Variants in JPH3 observed in about 807,000 individuals in gnomAD.
JPH3 encodes the protein junctophilin-3.
JPH3 carries 11 observed loss-of-function variants against 59.6 expected under a neutral mutation model. The observed-to-expected ratio is 0.18, with a 90% confidence interval of 0.12 to 0.31. The LOEUF is 0.31. JPH3 is among the 10% of genes least tolerant of loss of function. JPH3 has a pLI of 1.00. For synonymous variants in JPH3, 673 were observed against 483.6 expected (o/e 1.39, Z -5.14); for missense variants, 1,202 against 1,105.7 (o/e 1.09, Z -1.24).
intron 3 of JPH3, among the ~76,000 whole-genome samples, chr16:87,689,050 G>A (rs981096083): frequency 6.6e-6 from 1 of 152,138 alleles, no homozygotes; most frequent in Non-Finnish European, 1.5e-5. Flanking sequence ...CCTGGGTCCT[G>A]TGGTGACCTC....
chr16:87,658,888 C>T (rs2032600959), intron 2 of JPH3, among the ~76,000 whole-genome samples: 1 of 152,236 alleles, frequency 6.6e-6, no homozygotes, highest in Admixed American at 6.5e-5. Flanking sequence ...ACCCAGCCAT[C>T]CCAGTTAATT....
At chr16:87,648,141 G>A (rs1389780235) in intron 2 of JPH3, among the ~76,000 whole-genome samples, 1 of 152,220 alleles carries the variant, frequency 6.6e-6, no homozygotes, top group Non-Finnish European at 1.5e-5. Context: ...GGAGGTGGGA[G>A]GCTACACAGT....
chr16:87,635,003 G>A (rs1228451348), intron 1 of JPH3, among the ~76,000 whole-genome samples: 1 of 152,216 alleles, frequency 6.6e-6, no homozygotes, highest in Non-Finnish European at 1.5e-5. Flanking sequence ...ACCTCCGCCT[G>A]CATGGAGCCA....
chr16:87,635,538 G>T (rs1428929111), intron 1 of JPH3, among the ~76,000 whole-genome samples: 1 of 152,208 alleles, frequency 6.6e-6, no homozygotes, highest in Non-Finnish European at 1.5e-5. Context: ...GCCAGGCGCT[G>T]AGTGACTGTC....
chr16:87,673,406 T>C lies in JPH3; in HGVS notation c.1161-10736T>C, dbSNP rs927759523. 9.9e-5 allele frequency among the ~76,000 whole-genome samples: 15 copies of C among 152,218 alleles called. 1 individual carries two copies. Among genetic ancestry groups the C allele is most frequent in the African/African-American group, 3.4e-4 (14 of 41,528 alleles). On this transcript the variant is annotated intron_variant, in intron 2 of 4. Transcript: ENST00000284262. ...CTCGTGGGGGTGTAAATGTCCTCCCTGGAGAGAAAATTGTGAATCTCTAGC... is the reference window on the plus strand; with the variant it reads ...CTCGTGGGGGTGTAAATGTCCTCCCCGGAGAGAAAATTGTGAATCTCTAGC...
chr16:87,663,565 T>G (rs201892135), intron 2 of JPH3, among the ~76,000 whole-genome samples: 2 of 152,216 alleles, frequency 1.3e-5, no homozygotes, highest in East Asian at 3.8e-4. Context: ...CCAGAAGCAC[T>G]GGGTGAACAC....
At chr16:87,651,580 T>G (rs2032325414) in intron 2 of JPH3, among the ~76,000 whole-genome samples, 1 of 152,176 alleles carries the variant, frequency 6.6e-6, no homozygotes, top group Non-Finnish European at 1.5e-5. Flanking sequence ...CTTTAGGGGC[T>G]CAAGACTTCA....
intron 4 of JPH3, chr16:87,696,063 G>A (rs781299692): frequency 6.6e-6 from 3 of 456,266 alleles, no homozygotes; most frequent in East Asian, 6.9e-5. Context: ...GGTGTGGTGA[G>A]GGGGGGTTTT....
chr16:87,629,477 C>A (rs1021587984), intron 1 of JPH3, among the ~76,000 whole-genome samples: 1 of 151,084 alleles, frequency 6.6e-6, no homozygotes, highest in Non-Finnish European at 1.5e-5. Flanking sequence ...TTGTAATTGC[C>A]CAAAGTCGGA....
intron 1 of JPH3, among the ~76,000 whole-genome samples, chr16:87,623,968 G>A (rs2150830868): frequency 6.6e-6 from 1 of 152,332 alleles, no homozygotes; most frequent in East Asian, 1.9e-4. Context: ...CCTTGGCGTT[G>A]CCCAGAAGTC....
intron 2 of JPH3, among the ~76,000 whole-genome samples, chr16:87,651,505 T>C (rs980286605): frequency 3.3e-5 from 5 of 152,154 alleles, no homozygotes; most frequent in Non-Finnish European, 7.3e-5. Flanking sequence ...TGATTCAAGG[T>C]TGGAGGTCAA....
intron 2 of JPH3, among the ~76,000 whole-genome samples, chr16:87,646,049 C>T (rs1157896887): frequency 3.3e-5 from 5 of 152,174 alleles, no homozygotes; most frequent in Non-Finnish European, 5.9e-5. Context: ...CTGGGAGCTG[C>T]GGGGGAGTCC....
chr16:87,652,859 G>A (rs1410632356), intron 2 of JPH3, among the ~76,000 whole-genome samples: 1 of 152,206 alleles, frequency 6.6e-6, no homozygotes, highest in Non-Finnish European at 1.5e-5. Context: ...GAGGTGACAA[G>A]TCCTGGGCAC....
At chr16:87,667,184 C>T (rs902525512) in intron 2 of JPH3, among the ~76,000 whole-genome samples, 3 of 152,210 alleles carry the variant, frequency 2.0e-5, no homozygotes, top group African/African-American at 4.8e-5. Context: ...TTCTCTGTCT[C>T]TTAGCTCCCT....
intron 2 of JPH3, among the ~76,000 whole-genome samples, chr16:87,659,340 G>A (rs899027394): frequency 7.5e-6 from 1 of 132,750 alleles, no homozygotes; most frequent in African/African-American, 3.0e-5. Context: ...TCAAGCCACT[G>A]CACTCCAGCC....
chr16:87,636,272 G>A (rs778359445), intron 1 of JPH3, among the ~76,000 whole-genome samples: 131 of 152,322 alleles, frequency 8.6e-4, no homozygotes, highest in Middle Eastern at 3.4e-3. Context: ...CATCTGCGCC[G>A]TTCAGCTCAG....
At chr16:87,639,959 C>G (rs948108676) in intron 1 of JPH3, among the ~76,000 whole-genome samples, 1 of 152,156 alleles carries the variant, frequency 6.6e-6, no homozygotes, top group African/African-American at 2.4e-5. Flanking sequence ...TGGAGCATCC[C>G]TTGATGGAGG....
chr16:87,685,892 C>T lies in JPH3; in HGVS notation c.1285+1626C>T, dbSNP rs1310464545. ...AGACGCATCCACCGGAAGCTCCCAA[C>T]GTGACTTATTTGGGAGGAGGGTCTG... On this transcript the variant is annotated intron_variant, in intron 3 of 4. Coordinates refer to ENST00000284262, the MANE Select transcript of JPH3 (RefSeq NM_020655.4). Among the ~76,000 whole-genome samples the T allele has an allele frequency of 3.3e-5, 5 of 152,316 alleles. No homozygotes were observed. The East Asian group carries it at 7.7e-4, about 24-fold the overall frequency.
chr16:87,646,900 G>A (rs1210344905), intron 2 of JPH3, among the ~76,000 whole-genome samples: 1 of 152,136 alleles, frequency 6.6e-6, no homozygotes, highest in Admixed American at 6.5e-5. Flanking sequence ...GGACTGGGGG[G>A]ACCTGCGACC....
Sources: allele counts gnomAD v4.1 joint callset (sites outside exome capture counted in the v4.1 genomes callset), GRCh38; gene constraint gnomAD v4.1.1; transcripts MANE v1.5; gene names NCBI Gene and HGNC (gene_info 2026-07-23, HGNC 2026-07-21).